The following EPB41L3 variants were observed in gnomAD, a reference collection of about 807,000 sequenced individuals.
The protein encoded by EPB41L3 is erythrocyte membrane protein band 4.1 like 3.
In EPB41L3, 57 loss-of-function variants were observed where a neutral mutation model predicts 127.1. That is an observed-to-expected ratio of 0.45 (90% CI 0.36 to 0.56). The LOEUF is 0.56. Among genes scored for constraint, EPB41L3 ranks in the 20% least tolerant of loss-of-function variants. EPB41L3 has a pLI of 0.00. For missense variants in EPB41L3, 1,273 were observed against 1,372.2 expected (o/e 0.93, Z 1.14); for synonymous variants, 572 against 549.5 (o/e 1.04, Z -0.57).
chr18:5,540,457 G>C (rs1017847824), intron 1 of EPB41L3: 11 of 985,258 alleles, frequency 1.1e-5, no homozygotes, highest in African/African-American at 1.7e-5. Context: ...TTTCCTTTGA[G>C]CCATAGTGAT....
intron 3 of EPB41L3, among the ~76,000 whole-genome samples, chr18:5,592,866 C>T (rs1003372720): frequency 6.6e-6 from 1 of 152,128 alleles, no homozygotes; most frequent in East Asian, 1.9e-4. Flanking sequence ...GCTTTATTGT[C>T]GTAGTCTCTG....
chr18:5,405,715 C>T (rs1323890827), intron 16 of EPB41L3, among the ~76,000 whole-genome samples: 1 of 151,706 alleles, frequency 6.6e-6, no homozygotes, highest in Non-Finnish European at 1.5e-5. Flanking sequence ...TCACTTAAAC[C>T]CAGGAGGCGG....
At position 5,509,799 on chromosome 18, in the gene EPB41L3, A is replaced by C. The variant is rs2092422419; in HGVS notation, c.-11-20605T>G. 2.0e-5 allele frequency among the ~76,000 whole-genome samples: 3 copies of C among 152,228 alleles called. No homozygotes were observed. The South Asian group carries it at 6.2e-4, about 32-fold the overall frequency. On this transcript the variant is annotated intron_variant, in intron 1 of 22. Transcript: ENST00000341928. ...CTATGTGCTAGGTCCCAAGGATAGG[A>C]AAATAGGAGACTTTGTTATCTTGTT...
chr18:5,508,766 CA>C (rs397969769), intron 1 of EPB41L3, among the ~76,000 whole-genome samples: 5,969 of 52,506 alleles, frequency 0.11, 103 homozygotes, highest in African/African-American at 0.19. Context: ...GACTCCATCT[CA>C]AAAAAAAAAA....
chr18:5,418,295 T>C (rs896018926), intron 12 of EPB41L3, among the ~76,000 whole-genome samples: 1 of 152,176 alleles, frequency 6.6e-6, no homozygotes, highest in Non-Finnish European at 1.5e-5. Flanking sequence ...GACAGCTTAG[T>C]GCTACGTTTT....
intron 1 of EPB41L3, among the ~76,000 whole-genome samples, chr18:5,627,073 C>T (rs2094930429): frequency 6.6e-6 from 1 of 152,132 alleles, no homozygotes; most frequent in Admixed American, 6.5e-5. Context: ...GCGGACTTCT[C>T]ATTAGTCTGT....
rs571382133 is a variant in EPB41L3 at position 5,540,588 on chromosome 18, A to T, written c.-12+3325T>A. The T allele has an allele frequency of 1.2e-5, 12 of 979,640 alleles. No homozygotes were observed. The East Asian group carries it at 9.1e-4, about 74-fold the overall frequency. 60.7% of individuals were successfully genotyped at this position (979,640 alleles called of 1,614,324 possible). On this transcript the variant is annotated intron_variant, in intron 1 of 22. Transcript: ENST00000341928. ...ACCCTCCCGGGCTGAGTGCCTGATG[A>T]ATTCCCAACAAATCAGCAGCTAGCT...
At chr18:5,629,735 CCCT>C (rs1411751113), upstream of EPB41L3, among the ~76,000 whole-genome samples, 1 of 152,164 alleles carries the variant, frequency 6.6e-6, no homozygotes, top group Non-Finnish European at 1.5e-5. Context: ...CTCACTCCTG[CCCT>C]CCTCGCAAAG....
intron 1 of EPB41L3, among the ~76,000 whole-genome samples, chr18:5,504,966 C>A (rs2092032734): frequency 6.6e-6 from 1 of 152,106 alleles, no homozygotes; most frequent in South Asian, 2.1e-4. Context: ...CCCATTTCCC[C>A]AAGCACTCCT....
chr18:5,524,009 ATG>A (rs1172150245), intron 1 of EPB41L3, among the ~76,000 whole-genome samples: 3 of 152,090 alleles, frequency 2.0e-5, no homozygotes, highest in Non-Finnish European at 4.4e-5. Context: ...GTGTGTATAT[ATG>A]TGTGTGTTAG....
chr18:5,591,113 CAATT>C (rs1320336836), intron 3 of EPB41L3, among the ~76,000 whole-genome samples: 2 of 152,062 alleles, frequency 1.3e-5, no homozygotes, highest in Non-Finnish European at 2.9e-5. Context: ...AGAAAAGAAT[CAATT>C]AAATATCCAA....
chr18:5,494,672 A>C lies in EPB41L3; in HGVS notation c.-11-5478T>G, dbSNP rs374989334. 8.5e-3 allele frequency among the ~76,000 whole-genome samples: 860 copies of C among 101,238 alleles called. 8 individuals are homozygous for C. The highest frequency in any genetic ancestry group is 0.025 in the African/African-American group (678 of 27,122). The allele number at this position is 101,238 out of a possible 152,430, so 66.4% of individuals were successfully genotyped here. A position where few individuals can be genotyped will look rare whatever the true frequency, so the allele number is the denominator to read the frequency against. ...AACTCCATCCACCCTCCCCCCACCC[A>C]AAAAAAAAAAGAAACAGTAAAAGAA... On this transcript the variant is annotated intron_variant, in intron 1 of 22. Transcript: ENST00000341928.
intron 1 of EPB41L3, among the ~76,000 whole-genome samples, chr18:5,524,758 T>C (rs571951553): frequency 1.3e-5 from 2 of 152,312 alleles, no homozygotes; most frequent in South Asian, 2.1e-4. Context: ...GGAATGTTTC[T>C]AGTGGAGAAT....
intron 1 of EPB41L3, chr18:5,529,000 A>C (rs1187881624): frequency 6.6e-6 from 1 of 152,226 alleles, no homozygotes; most frequent in Non-Finnish European, 1.5e-5. Flanking sequence ...ATCTGTGATC[A>C]AGAATATGCT....
intron 1 of EPB41L3, among the ~76,000 whole-genome samples, chr18:5,538,239 C>A (rs542383053): frequency 2.0e-5 from 3 of 152,322 alleles, no homozygotes; most frequent in East Asian, 3.9e-4. Flanking sequence ...CTAAGAGTTA[C>A]TGCTGTCTAT....
upstream of EPB41L3, among the ~76,000 whole-genome samples, chr18:5,546,333 C>T (rs544509599): frequency 7.2e-5 from 11 of 152,048 alleles, no homozygotes; most frequent in Non-Finnish European, 1.6e-4. Context: ...GAGTTCAAGA[C>T]CAGCCTGGCC....
At chr18:5,547,687 T>C (rs1280840307), upstream of EPB41L3, among the ~76,000 whole-genome samples, 1 of 152,176 alleles carries the variant, frequency 6.6e-6, no homozygotes, top group Non-Finnish European at 1.5e-5. Context: ...GATATGTGTG[T>C]AAATTCATCC....
chr18:5,536,903 T>A (rs987044207), intron 1 of EPB41L3, among the ~76,000 whole-genome samples: 14 of 152,314 alleles, frequency 9.2e-5, no homozygotes, highest in African/African-American at 3.4e-4. Context: ...AGTCTATTCA[T>A]GTAAAATATT....
intron 3 of EPB41L3, among the ~76,000 whole-genome samples, chr18:5,566,475 T>C (rs537742550): frequency 9.5e-4 from 145 of 152,096 alleles, no homozygotes; most frequent in Non-Finnish European, 1.2e-3. Context: ...TACAAACAAA[T>C]GGAAGAACAT....
Sources: allele counts gnomAD v4.1 joint callset (sites outside exome capture counted in the v4.1 genomes callset), GRCh38; gene constraint gnomAD v4.1.1; transcripts MANE v1.5; gene names NCBI Gene and HGNC (gene_info 2026-07-23, HGNC 2026-07-21).